Variants in IRAG2 observed in about 807,000 individuals in gnomAD.
IRAG2 encodes inositol 1,4,5-triphosphate receptor associated 2.
A neutral mutation model predicts 69.9 loss-of-function variants in IRAG2; 45 were observed. The observed-to-expected ratio is 0.64, with a 90% CI of 0.51 to 0.83. IRAG2 has a LOEUF of 0.83. Among genes scored for constraint, IRAG2 ranks in the 40% least tolerant of loss-of-function variants. The pLI is 0.00. For missense variants in IRAG2, 520 were observed against 587.0 expected, an observed-to-expected ratio of 0.89 and a Z score of 1.18; for synonymous variants, 193 against 202.4, an observed-to-expected ratio of 0.95 and a Z score of 0.40.
At chr12:25,040,696 G>T (rs960863975) in intron 16 of IRAG2, among the ~76,000 whole-genome samples, 7 of 152,264 alleles carry the variant, frequency 4.6e-5, no homozygotes, top group African/African-American at 1.7e-4. Context: ...TAATGCTGAA[G>T]AATGGAAATA....
chr12:25,054,738 CAAAAAACCCAT>C lies in IRAG2; in HGVS notation c.-447+1784_-447+1794del, dbSNP rs2139907960. On this transcript the variant is annotated intron_variant, in intron 1 of 21. Coordinates refer to ENST00000556887, the MANE Select transcript of IRAG2 (RefSeq NM_001366544.2). Reference sequence around the variant, plus strand: ...CTTGTTACTTGTATCTTTTGCTGCCCAAAAAACCCATACAAATCAGGATTTTGCTTATATGA... The same window carrying C: ...CTTGTTACTTGTATCTTTTGCTGCCCACAAATCAGGATTTTGCTTATATGA... Among the ~76,000 whole-genome samples, 3 of 152,220 alleles carry C rather than the reference CAAAAAACCCAT, an allele frequency of 2.0e-5. No individual in the cohort carries two copies. In the South Asian group the frequency reaches 6.2e-4, roughly 32 times the overall value.
At chr12:25,012,143 C>CTTT (rs1944480147) in intron 3 of IRAG2, among the ~76,000 whole-genome samples, 2 of 24,094 alleles carry the variant, frequency 8.3e-5, no homozygotes, top group Non-Finnish European at 2.7e-4. Flanking sequence ...AAGCGAATTC[C>CTTT]CTTTTTTTTT....
intron 16 of IRAG2, among the ~76,000 whole-genome samples, chr12:25,041,673 T>C (rs199842891): frequency 2.8e-5 from 1 of 35,498 alleles, no homozygotes; most frequent in African/African-American, 9.5e-5. Flanking sequence ...TTTTTTTTTG[T>C]TTTTTTTTTT....
intron 1 of IRAG2, among the ~76,000 whole-genome samples, chr12:25,058,467 T>C (rs1945408956): frequency 2.0e-5 from 3 of 152,208 alleles, no homozygotes; most frequent in Non-Finnish European, 4.4e-5. Flanking sequence ...TTGACAGATA[T>C]GTGCTATGAA....
Position 25,052,715 on chromosome 12 carries a change from T to C in IRAG2, c.-688T>C, listed in dbSNP as rs1378984406. 7.5e-6 allele frequency: 3 copies of C among 398,208 alleles called. No individual in the cohort carries two copies. The highest frequency in any genetic ancestry group is 1.3e-5 in the Non-Finnish European group (3 of 226,044). 24.7% of individuals were successfully genotyped at this position (398,208 alleles called of 1,614,324 possible). A position where few individuals can be genotyped will look rare whatever the true frequency, so the allele number is the denominator to read the frequency against. Reference sequence around the variant, plus strand: ...AGAAAAACACATTTTCAGTTTTGCCTGCATCATAAGAGTGAGCACTCCATT... The same window carrying C: ...AGAAAAACACATTTTCAGTTTTGCCCGCATCATAAGAGTGAGCACTCCATT... On this transcript the variant is annotated 5_prime_UTR_variant, in exon 1 of 22. Coordinates refer to ENST00000556887, the MANE Select transcript of IRAG2 (RefSeq NM_001366544.2).
chr12:25,068,809 A>G (rs1946150970), intron 5 of IRAG2, among the ~76,000 whole-genome samples: 1 of 152,198 alleles, frequency 6.6e-6, no homozygotes, highest in Admixed American at 6.5e-5. Flanking sequence ...CTCTGTCTAC[A>G]AGGATTTTAG....
chr12:25,019,343 G>A (rs188888346), intron 6 of IRAG2, among the ~76,000 whole-genome samples: 1 of 152,290 alleles, frequency 6.6e-6, no homozygotes, highest in Non-Finnish European at 1.5e-5. Flanking sequence ...GAAGAATCAG[G>A]TCACACAAAC....
chr12:25,053,161 T>G (rs1057109491), intron 1 of IRAG2, among the ~76,000 whole-genome samples: 3 of 152,048 alleles, frequency 2.0e-5, no homozygotes, highest in African/African-American at 7.2e-5. Context: ...TTAACTTCCC[T>G]TTTTGCCTTT....
chr12:25,018,095 T>C (rs1418144447), intron 6 of IRAG2, among the ~76,000 whole-genome samples: 1 of 152,158 alleles, frequency 6.6e-6, no homozygotes, highest in African/African-American at 2.4e-5. Context: ...CTTCAGATGA[T>C]GGACATTTGG....
At chr12:25,017,074 T>C in intron 5 of IRAG2, 1 of 1,208,168 alleles carries the variant, frequency 8.3e-7, no homozygotes, top group Non-Finnish European at 1.0e-6. Context: ...CCGTATACCT[T>C]ATTTTATTAG....
At chr12:25,038,369 G>A (rs757878646) in intron 16 of IRAG2, among the ~76,000 whole-genome samples, 5 of 152,108 alleles carry the variant, frequency 3.3e-5, no homozygotes, top group East Asian at 3.9e-4. Flanking sequence ...CCAGCCAAGC[G>A]CGGTGGCTCA....
chr12:25,021,299 C>T (rs1944578454), intron 7 of IRAG2, among the ~76,000 whole-genome samples: 1 of 151,824 alleles, frequency 6.6e-6, no homozygotes, highest in Admixed American at 6.6e-5. Context: ...AAATTTTTTA[C>T]ATATTTCTCA....
chr12:25,081,258 C>T (rs897282974), intron 9 of IRAG2, among the ~76,000 whole-genome samples: 1 of 152,058 alleles, frequency 6.6e-6, no homozygotes, highest in African/African-American at 2.4e-5. Context: ...GTCAGAAGAT[C>T]GAGGGACCAT....
At chr12:25,043,002 TAA>T (rs61246525) in intron 16 of IRAG2, among the ~76,000 whole-genome samples, 13 of 142,884 alleles carry the variant, frequency 9.1e-5, no homozygotes, top group Non-Finnish European at 7.6e-5. Context: ...TCTTTGAAAT[TAA>T]AAAAAAAAAA....
At chr12:25,012,918 A>G (rs1424183110) in intron 3 of IRAG2, among the ~76,000 whole-genome samples, 1 of 152,240 alleles carries the variant, frequency 6.6e-6, no homozygotes, top group East Asian at 1.9e-4. Flanking sequence ...AATATGACTG[A>G]AATGTTGCAT....
At position 25,097,102 on chromosome 12, in the gene IRAG2, T is replaced by C. The variant is rs1231956131; in HGVS notation, c.741+58T>C. The C allele has an allele frequency of 2.0e-5, 31 of 1,514,736 alleles. No homozygotes were observed. The Middle Eastern group carries it at 7.0e-4, about 34-fold the overall frequency. 93.8% of individuals were successfully genotyped at this position (1,514,736 alleles called of 1,614,324 possible). The stretch of plus-strand genomic sequence containing the variant: ...AATTACAAAAAAGATTCACTTTTCC[T>C]GAGACTATGGATTTCTCACTTCTAG... On this transcript the variant is annotated intron_variant, in intron 15 of 21. Transcript: ENST00000556887.
At chr12:25,103,698 A>T in intron 17 of IRAG2, 139 bp from the exon 18 acceptor site, 1 of 601,840 alleles carries the variant, frequency 1.7e-6, no homozygotes. Flanking sequence ...TGGCCACAAG[A>T]GGATCCTTTA....
Position 25,095,892 on chromosome 12 carries a change from TCTG to T in IRAG2, c.607-1015_607-1013del, listed in dbSNP as rs758962641. Among the ~76,000 whole-genome samples, 9 of 152,352 alleles carry T rather than the reference TCTG, an allele frequency of 5.9e-5. No individual in the cohort carries two copies. The South Asian group carries it at 1.9e-3, about 32-fold the overall frequency. On this transcript the variant is annotated intron_variant, in intron 14 of 21. Transcript: ENST00000556887. ...TACTCTGTTTTGCTAACAATTAACA[TCTG>T]CTCTTTCCTTCCCAACTGGAGGTGG... is the stretch of plus-strand genomic sequence containing the variant.
At chr12:25,018,598 A>G (rs112192345) in intron 6 of IRAG2, among the ~76,000 whole-genome samples, 1 of 152,176 alleles carries the variant, frequency 6.6e-6, no homozygotes, top group African/African-American at 2.4e-5. Flanking sequence ...TGCTTACCTC[A>G]AGTCCTCTTC....
Sources: allele counts gnomAD v4.1 joint callset (sites outside exome capture counted in the v4.1 genomes callset), GRCh38; gene constraint gnomAD v4.1.1; transcripts MANE v1.5; gene names NCBI Gene and HGNC (gene_info 2026-07-23, HGNC 2026-07-21).